NLN: variants seen among roughly 807,000 people sequenced by gnomAD.
NLN encodes neurolysin, mitochondrial.
Under a neutral mutation model 79.9 loss-of-function variants are expected in NLN, and 64 were observed. That is an observed-to-expected ratio of 0.80 (90% CI 0.65 to 0.99). NLN has a LOEUF of 0.99. NLN is among the 50% of genes least tolerant of loss of function. The pLI, the probability that NLN is intolerant of heterozygous loss-of-function variation, is 0.00. For synonymous variants in NLN, 267 were observed against 296.6 expected (o/e 0.90, Z 1.02); for missense variants, 835 against 858.7 (o/e 0.97, Z 0.34).
intron 3 of NLN, among the ~76,000 whole-genome samples, chr5:65,773,250 G>C (rs1393659040): frequency 6.7e-6 from 1 of 148,982 alleles, no homozygotes; most frequent in Non-Finnish European, 1.5e-5. Context: ...TCCCACCTCA[G>C]CCTCCCAGGT....
chr5:65,766,973 T>C (rs138307472), intron 3 of NLN, among the ~76,000 whole-genome samples: 1 of 152,350 alleles, frequency 6.6e-6, no homozygotes, highest in African/African-American at 2.4e-5. Context: ...TGGCCTTGGG[T>C]GGCTCTGCCT....
chr5:65,726,272 T>A (rs1441129814), intron 1 of NLN, among the ~76,000 whole-genome samples: 7 of 152,204 alleles, frequency 4.6e-5, no homozygotes, highest in Non-Finnish European at 2.9e-5. Context: ...TGGTCACATA[T>A]AACTCAAAGG....
intron 4 of NLN, among the ~76,000 whole-genome samples, chr5:65,777,915 A>T (rs569274547): frequency 6.6e-6 from 1 of 152,384 alleles, no homozygotes; most frequent in Admixed American, 6.5e-5. Context: ...AACTCCTGTT[A>T]ACCTCATGGT....
At chr5:65,734,947 T>C (rs1314552925) in intron 1 of NLN, among the ~76,000 whole-genome samples, 1 of 152,182 alleles carries the variant, frequency 6.6e-6, no homozygotes, top group Non-Finnish European at 1.5e-5. Flanking sequence ...AAAAAAGAAA[T>C]AGATGAATGA....
At chr5:65,777,843 T>A (rs1341536881) in intron 4 of NLN, among the ~76,000 whole-genome samples, 3 of 152,234 alleles carry the variant, frequency 2.0e-5, no homozygotes, top group Admixed American at 1.3e-4. Context: ...GGGAAACAGA[T>A]GGGTTGTAAT....
chr5:65,781,388 G>A lies in NLN; in HGVS notation c.789G>A (p.Arg263=). The change falls in exon 6 of 13, where the codon AGG becomes AGA. Residue 263 remains arginine, a synonymous_variant. Transcript: ENST00000380985. ...KKCCIPETRR[R]MEMAFNTRCK... ...GTTGTATCCCTGAAACCAGAAGAAGGATGGAAATGGCTTTTAATACAAGGT... is the reference window on the plus strand; with the variant it reads ...GTTGTATCCCTGAAACCAGAAGAAGAATGGAAATGGCTTTTAATACAAGGT... 1 of 1,609,788 alleles carries A rather than the reference G, an allele frequency of 6.2e-7. No homozygotes were observed. Among genetic ancestry groups the A allele is most frequent in the Non-Finnish European group, 8.5e-7 (1 of 1,176,400 alleles).
Position 65,827,072 on chromosome 5 carries a change from G to T in NLN, c.*4157G>T, listed in dbSNP as rs750156045. 2.6e-5 allele frequency: 4 copies of T among 151,110 alleles called. No individual in the cohort carries two copies. Among genetic ancestry groups the T allele is most frequent in the Non-Finnish European group, 4.4e-5 (3 of 67,862 alleles). The allele number at this position is 151,110 out of a possible 1,614,324, so 9.4% of individuals were successfully genotyped here. A position where few individuals can be genotyped will look rare whatever the true frequency, so the allele number is the denominator to read the frequency against. ...TAGTATCAGCTGTATCAAGGCAAAA[G>T]GTAAAGGTTATAAGATGTAAATATT... On this transcript the variant is annotated 3_prime_UTR_variant, in exon 13 of 13. Transcript: ENST00000380985.
At chr5:65,750,758 A>G (rs1344890719) in intron 1 of NLN, among the ~76,000 whole-genome samples, 3 of 152,188 alleles carry the variant, frequency 2.0e-5, no homozygotes, top group Non-Finnish European at 2.9e-5. Context: ...AAATAAAGAA[A>G]AAAAGAGAAA....
intron 1 of NLN, among the ~76,000 whole-genome samples, chr5:65,749,978 C>T (rs751350526): frequency 1.8e-4 from 27 of 152,236 alleles, no homozygotes; most frequent in Non-Finnish European, 3.1e-4. Flanking sequence ...CTCCTGCACA[C>T]ATGAGCTACT....
Position 65,780,182 on chromosome 5 carries a change from A to G in NLN, c.562A>G (p.Ile188Val), listed in dbSNP as rs1375434745. The stretch of plus-strand genomic sequence containing the variant: ...TGTATTTTTATCTTCCTTTCAGGAA[A>G]TCAAATCAATGAAGAAAAGAATGAG... ...LHLPEQVQNEIKSMKKRMSEL... is the reference protein window; with the variant it reads ...LHLPEQVQNEVKSMKKRMSEL... The change falls in exon 5 of 13, where the codon ATC becomes GTC. Residue 188 changes from isoleucine to valine, a missense_variant. Ile to Val is a conservative substitution (Grantham distance 29). Coordinates refer to ENST00000380985, the MANE Select transcript of NLN (RefSeq NM_020726.5). 6.4e-6 allele frequency: 8 copies of G among 1,259,252 alleles called. No homozygotes were observed. The highest frequency in any genetic ancestry group is 9.2e-6 in the Non-Finnish European group (8 of 869,502). The allele number at this position is 1,259,252 out of a possible 1,614,324, so 78.0% of individuals were successfully genotyped here. A position where few individuals can be genotyped will look rare whatever the true frequency, so the allele number is the denominator to read the frequency against.
chr5:65,810,576 C>T (rs1175609551), intron 11 of NLN, among the ~76,000 whole-genome samples: 1 of 152,160 alleles, frequency 6.6e-6, no homozygotes, highest in East Asian at 1.9e-4. Flanking sequence ...TCCATCCCCT[C>T]AAGCATTTAT....
At chr5:65,753,979 A>G (rs933446464) in intron 1 of NLN, among the ~76,000 whole-genome samples, 2 of 152,188 alleles carry the variant, frequency 1.3e-5, no homozygotes, top group African/African-American at 4.8e-5. Context: ...TTGCACCAAC[A>G]CCAAGTATGT....
intron 9 of NLN, among the ~76,000 whole-genome samples, chr5:65,796,908 G>T (rs1437442920): frequency 6.6e-6 from 1 of 152,232 alleles, no homozygotes; most frequent in Non-Finnish European, 1.5e-5. Flanking sequence ...CACTGTGGCA[G>T]TTGGCAGGTT....
intron 1 of NLN, among the ~76,000 whole-genome samples, chr5:65,738,937 T>TATATAATATA (rs1182904245): frequency 8.6e-6 from 1 of 115,710 alleles, no homozygotes; most frequent in African/African-American, 3.3e-5. Flanking sequence ...TGTATATATA[T>TATATAATATA]TTTTTATATA....
At chr5:65,765,546 T>C (rs1232964833) in intron 3 of NLN, among the ~76,000 whole-genome samples, 1 of 151,592 alleles carries the variant, frequency 6.6e-6, no homozygotes, top group African/African-American at 2.4e-5. Flanking sequence ...ATTAATTAAT[T>C]AAAAATAGAA....
At chr5:65,726,942 C>T (rs1283447274) in intron 1 of NLN, among the ~76,000 whole-genome samples, 1 of 152,156 alleles carries the variant, frequency 6.6e-6, no homozygotes, top group East Asian at 1.9e-4. Context: ...TAGGCTTTTG[C>T]CTAACTGACT....
At chr5:65,726,615 C>T (rs895550703) in intron 1 of NLN, among the ~76,000 whole-genome samples, 1 of 151,988 alleles carries the variant, frequency 6.6e-6, no homozygotes, top group Non-Finnish European at 1.5e-5. Flanking sequence ...TGAGAGCTGC[C>T]GATATGTGGT....
chr5:65,797,293 C>T (rs1760192418), intron 9 of NLN, among the ~76,000 whole-genome samples: 1 of 152,194 alleles, frequency 6.6e-6, no homozygotes, highest in Non-Finnish European at 1.5e-5. Flanking sequence ...TAAGGAAACA[C>T]ATAAGAATTA....
In NLN at chr5:65,788,191, A is replaced by G; in HGVS notation, c.1032A>G (p.Glu344=). The G allele has an allele frequency of 6.2e-7, 1 of 1,614,182 alleles. No individual in the cohort carries two copies. The highest frequency in any genetic ancestry group is 8.5e-7 in the Non-Finnish European group (1 of 1,179,978). Reference sequence around the variant, plus strand: ...TTATTTTGAATTTGAAGAAAAAGGAATGCAAAGACAGGGGTTTTGAATATG... The same window carrying G: ...TTATTTTGAATTTGAAGAAAAAGGAGTGCAAAGACAGGGGTTTTGAATATG... ...REFILNLKKK[E]CKDRGFEYDG... Residue 344 remains glutamate, a synonymous_variant, in exon 8 of 13, where the codon GAA becomes GAG. Transcript: ENST00000380985.
Sources: gnomAD v4.1 joint callset for allele counts (sites outside exome capture counted in the v4.1 genomes callset) on GRCh38, gnomAD v4.1.1 for gene constraint, MANE v1.5 for transcripts, NCBI Gene and HGNC (gene_info 2026-07-23, HGNC 2026-07-21) for gene names.